RALYL: variants seen among roughly 807,000 people sequenced by gnomAD.
The protein encoded by RALYL is RNA-binding Raly-like protein.
A neutral mutation model predicts 35.1 loss-of-function variants in RALYL; 29 were observed. The ratio of observed to expected loss-of-function variants is 0.83; its 90% CI spans 0.61 to 1.13. The LOEUF is 1.13. Ranked by LOEUF, RALYL falls within the 50% of genes most tolerant of loss-of-function variation. RALYL has a pLI of 0.00. For synonymous variants in RALYL, 120 were observed against 127.6 expected, an observed-to-expected ratio of 0.94 and a Z score of 0.40; for missense variants, 359 against 360.4, an observed-to-expected ratio of 1.00 and a Z score of 0.03.
chr8:84,715,124 A>T (rs371285042), intron 2 of RALYL, among the ~76,000 whole-genome samples: 8 of 152,056 alleles, frequency 5.3e-5, no homozygotes, highest in African/African-American at 1.9e-4. Flanking sequence ...TACATATTTT[A>T]TCATTAAAAC....
At chr8:84,403,991 T>G (rs149657084) in intron 1 of RALYL, among the ~76,000 whole-genome samples, 2,244 of 152,198 alleles carry the variant, frequency 0.015, 29 homozygotes, top group Non-Finnish European at 0.023. Flanking sequence ...ATTATTGGTG[T>G]ATAGGAATGC....
chr8:84,682,870 T>C (rs1835886448), intron 2 of RALYL, among the ~76,000 whole-genome samples: 1 of 152,188 alleles, frequency 6.6e-6, no homozygotes, highest in Non-Finnish European at 1.5e-5. Flanking sequence ...TAGTTATTTC[T>C]TGCCTTCTGC....
intron 1 of RALYL, among the ~76,000 whole-genome samples, chr8:84,199,391 G>T (rs1214305826): frequency 1.3e-5 from 2 of 152,038 alleles, no homozygotes; most frequent in African/African-American, 4.8e-5. Flanking sequence ...ATAAATTCTG[G>T]TTATTAATCT....
At chr8:84,910,604 C>T (rs950556806) in intron 8 of RALYL, among the ~76,000 whole-genome samples, 1 of 151,932 alleles carries the variant, frequency 6.6e-6, no homozygotes, top group Non-Finnish European at 1.5e-5. Context: ...ATGAATTCTA[C>T]ATAAAAATCA....
intron 6 of RALYL, chr8:84,864,877 T>C: frequency 2.1e-6 from 1 of 465,696 alleles, no homozygotes; most frequent in Non-Finnish European, 4.1e-6. Context: ...CAGCCAGCCA[T>C]GATGTACTTG....
At chr8:84,582,776 A>T (rs932316404) in intron 2 of RALYL, among the ~76,000 whole-genome samples, 3 of 151,996 alleles carry the variant, frequency 2.0e-5, no homozygotes, top group Non-Finnish European at 4.4e-5. Flanking sequence ...CTTCAGGATG[A>T]TTTGCTCTAT....
intron 1 of RALYL, among the ~76,000 whole-genome samples, chr8:84,369,815 C>T (rs1437775235): frequency 6.6e-6 from 1 of 151,992 alleles, no homozygotes. Flanking sequence ...TATAGCAAAC[C>T]ATTAAAAATT....
intron 2 of RALYL, among the ~76,000 whole-genome samples, chr8:84,552,529 T>A (rs1476344351): frequency 6.6e-5 from 10 of 151,546 alleles, no homozygotes; most frequent in Non-Finnish European, 1.2e-4. Context: ...TGCCCAATTT[T>A]ACAGAGGAGA....
At chr8:84,517,234 A>G (rs984999489) in intron 1 of RALYL, among the ~76,000 whole-genome samples, 3 of 152,206 alleles carry the variant, frequency 2.0e-5, no homozygotes, top group African/African-American at 7.2e-5. Context: ...GAGAATATGC[A>G]TAAAATATGG....
chr8:84,599,990 G>A (rs1467850037), intron 2 of RALYL, among the ~76,000 whole-genome samples: 1 of 151,022 alleles, frequency 6.6e-6, no homozygotes, highest in Non-Finnish European at 1.5e-5. Flanking sequence ...CTGATGATGG[G>A]TCACTTTCTG....
intron 2 of RALYL, among the ~76,000 whole-genome samples, chr8:84,692,510 C>T (rs1484753453): frequency 6.6e-6 from 1 of 151,920 alleles, no homozygotes; most frequent in Non-Finnish European, 1.5e-5. Flanking sequence ...ACCTGCAAAA[C>T]CTGTTCATGG....
At chr8:84,706,135 C>A in intron 2 of RALYL, 1 of 1,349,566 alleles carries the variant, frequency 7.4e-7, no homozygotes, top group Non-Finnish European at 1.0e-6. Context: ...AAAGACTAAT[C>A]ATGACTTCTT....
At chr8:84,705,913 G>A (rs1400264114) in intron 2 of RALYL, 3 of 1,490,218 alleles carry the variant, frequency 2.0e-6, no homozygotes, top group Non-Finnish European at 1.8e-6. Flanking sequence ...TGTGATTGCT[G>A]GTTACCTTCT....
At chr8:84,205,538 C>T (rs146745398) in intron 1 of RALYL, among the ~76,000 whole-genome samples, 7 of 152,090 alleles carry the variant, frequency 4.6e-5, no homozygotes, top group South Asian at 2.1e-4. Context: ...CTATTTTACT[C>T]GGAAGTTTTA....
chr8:84,775,299 A>G (rs914903195), intron 3 of RALYL, among the ~76,000 whole-genome samples: 5 of 152,068 alleles, frequency 3.3e-5, no homozygotes, highest in African/African-American at 9.7e-5. Flanking sequence ...TAGCTATTTT[A>G]CATATGTTGT....
intron 1 of RALYL, among the ~76,000 whole-genome samples, chr8:84,450,263 A>T (rs2133169690): frequency 6.6e-6 from 1 of 152,074 alleles, no homozygotes; most frequent in East Asian, 1.9e-4. Flanking sequence ...GCTTTTTAGT[A>T]ATCTGGGAGA....
Position 84,873,389 on chromosome 8 carries a change from C to CGGAG in RALYL, c.679_682dup (p.Ala228GlyfsTer34). On this transcript the variant is annotated frameshift_variant, in exon 7 of 9. Coordinates refer to ENST00000521268, the MANE Select transcript of RALYL (RefSeq NM_173848.7). LOFTEE classifies it high-confidence loss of function. ...GAGAAGATTGAGAAACAGCAGAAGG[C>CGGAG]GGAGGCAGGTAAGTGATCTCTGATC... 1 of 1,584,506 alleles carries CGGAG rather than the reference C, an allele frequency of 6.3e-7. No homozygotes were observed.
At chr8:84,509,713 T>C (rs2057454110) in intron 1 of RALYL, among the ~76,000 whole-genome samples, 1 of 152,256 alleles carries the variant, frequency 6.6e-6, no homozygotes, top group South Asian at 2.1e-4. Flanking sequence ...AAAGTGTTTG[T>C]CTAGATTCAT....
At chr8:84,324,282 T>G (rs1324598232) in intron 1 of RALYL, among the ~76,000 whole-genome samples, 2 of 151,956 alleles carry the variant, frequency 1.3e-5, no homozygotes. Context: ...ACAGTTAATT[T>G]CTTTTTTTTC....
Sources: gnomAD v4.1 joint callset for allele counts (sites outside exome capture counted in the v4.1 genomes callset) on GRCh38, gnomAD v4.1.1 for gene constraint, MANE v1.5 for transcripts, NCBI Gene and HGNC (gene_info 2026-07-23, HGNC 2026-07-21) for gene names.